Variants in RTTN observed in about 807,000 individuals in gnomAD.
The protein encoded by RTTN is rotatin.
In RTTN, 182 loss-of-function variants were observed where a neutral mutation model predicts 269.2. The ratio of observed to expected loss-of-function variants is 0.68; its 90% CI spans 0.60 to 0.76. The LOEUF (loss-of-function observed/expected upper bound fraction) is 0.76. Ranked by LOEUF, RTTN falls within the 30% of genes least tolerant of loss-of-function variation. The pLI is 0.00. For synonymous variants in RTTN, 1,006 were observed against 963.5 expected, an observed-to-expected ratio of 1.04 and a Z score of -0.82; for missense variants, 2,545 against 2,608.6, an observed-to-expected ratio of 0.98 and a Z score of 0.53.
chr18:70,104,639 TG>T (rs2059271932), intron 28 of RTTN, among the ~76,000 whole-genome samples: 1 of 152,312 alleles, frequency 6.6e-6, no homozygotes, highest in South Asian at 2.1e-4. Context: ...TATCTATCTT[TG>T]GTCTTTGATG....
At chr18:70,078,953 T>C (rs2058495262) in intron 32 of RTTN, among the ~76,000 whole-genome samples, 2 of 152,126 alleles carry the variant, frequency 1.3e-5, no homozygotes, top group Non-Finnish European at 2.9e-5. Flanking sequence ...GAAGAGCAAG[T>C]GTGACCAGTG....
intron 35 of RTTN, chr18:70,061,395 G>A (rs987038421): frequency 1.7e-4 from 78 of 455,978 alleles, no homozygotes; most frequent in Admixed American, 1.3e-3. Flanking sequence ...CCAAAGTGTC[G>A]ATTCCCTAAA....
At chr18:70,200,847 A>G (rs1237275563) in intron 4 of RTTN, among the ~76,000 whole-genome samples, 1 of 152,250 alleles carries the variant, frequency 6.6e-6, no homozygotes. Context: ...GTGGTCACTA[A>G]TAATACCAAT....
intron 28 of RTTN, among the ~76,000 whole-genome samples, chr18:70,103,348 C>T (rs988612478): frequency 6.6e-6 from 1 of 151,718 alleles, no homozygotes; most frequent in East Asian, 1.9e-4. Flanking sequence ...AAAGAGAGAT[C>T]AGATTGTTAC....
At chr18:70,123,025 T>G (rs2145575470) in intron 25 of RTTN, among the ~76,000 whole-genome samples, 1 of 152,252 alleles carries the variant, frequency 6.6e-6, no homozygotes, top group East Asian at 1.9e-4. Flanking sequence ...CCTATCCCTT[T>G]GCCTGGCATT....
At chr18:70,145,276 A>C (rs958638025) in intron 18 of RTTN, among the ~76,000 whole-genome samples, 7 of 152,226 alleles carry the variant, frequency 4.6e-5, no homozygotes, top group Non-Finnish European at 7.3e-5. Context: ...GAGTTGTACA[A>C]TTATTTCATT....
intron 10 of RTTN, among the ~76,000 whole-genome samples, chr18:70,182,114 T>C (rs1395212470): frequency 2.0e-5 from 3 of 152,144 alleles, no homozygotes; most frequent in Non-Finnish European, 2.9e-5. Context: ...TACTACAAAA[T>C]AGTGTGATAA....
Position 70,075,353 on chromosome 18 carries a change from A to G in RTTN, c.4563T>C (p.Asn1521=). Residue 1521 remains asparagine, a splice_region_variant and synonymous_variant, in exon 33 of 49, where the codon AAT becomes AAC. Transcript: ENST00000640769. ...FDRNSESNDL[N]GLDDSFKFWR... is the part of the protein sequence containing the mutation. Reference sequence around the variant, plus strand: ...AAAATACAAAGATATCGTACTTACCATTTAAATCATTGCTTTCTGAATTTC... The same window carrying G: ...AAAATACAAAGATATCGTACTTACCGTTTAAATCATTGCTTTCTGAATTTC... The G allele has an allele frequency of 6.4e-7, 1 of 1,562,950 alleles. No individual in the cohort carries two copies. The highest frequency in any genetic ancestry group is 1.2e-5 in the South Asian group (1 of 82,174).
At chr18:70,022,837 A>G (rs527928986) in intron 44 of RTTN, among the ~76,000 whole-genome samples, 1 of 151,942 alleles carries the variant, frequency 6.6e-6, no homozygotes, top group Non-Finnish European at 1.5e-5. Context: ...CTGGTTTCTC[A>G]TCTTTTGATT....
At chr18:70,030,320 T>G (rs750057350) in intron 41 of RTTN, among the ~76,000 whole-genome samples, 3 of 152,224 alleles carry the variant, frequency 2.0e-5, no homozygotes, top group Admixed American at 2.0e-4. Flanking sequence ...TTTAGTAAGA[T>G]ACTACCCAAA....
chr18:70,091,085 C>T (rs1410291564), intron 30 of RTTN, among the ~76,000 whole-genome samples: 1 of 152,064 alleles, frequency 6.6e-6, no homozygotes, highest in Non-Finnish European at 1.5e-5. Flanking sequence ...AATTCTGTTT[C>T]AGGAGGGTTT....
At position 70,193,452 on chromosome 18, in the gene RTTN, G is replaced by C; in HGVS notation, c.843C>G (p.Asp281Glu). The change falls in exon 8 of 49, where the codon GAC (aspartate) becomes GAG (glutamate). Residue 281 changes from aspartate (D) to glutamate (E), a missense_variant and splice_region_variant. Physicochemically the swap from Asp to Glu is conservative, Grantham distance 45. Transcript: ENST00000640769. ...ACAAAGAAGAATTTTGGGAAACTGT[G>C]TCTGGGGAAACAAAGAAAAAATAAA... Reference protein sequence around the residue: ...RDPGFFSNKHDTVSQNSSLSY... With the variant: ...RDPGFFSNKHETVSQNSSLSY... 6.7e-6 allele frequency: 10 copies of C among 1,503,260 alleles called. No homozygotes were observed. In the South Asian group the frequency reaches 1.3e-4, roughly 19 times the overall value. 93.1% of individuals were successfully genotyped at this position (1,503,260 alleles called of 1,614,324 possible).
At chr18:70,093,803 A>C (rs776826066) in intron 28 of RTTN, among the ~76,000 whole-genome samples, 1 of 152,136 alleles carries the variant, frequency 6.6e-6, no homozygotes, top group Non-Finnish European at 1.5e-5. Context: ...TATCAGGATG[A>C]TGCTGGCCTC....
chr18:70,004,536 C>T (rs2056121434), intron 48 of RTTN, among the ~76,000 whole-genome samples: 1 of 152,010 alleles, frequency 6.6e-6, no homozygotes, highest in South Asian at 2.1e-4. Flanking sequence ...TATGTACCAT[C>T]CTTCCTAAAG....
chr18:70,066,625 T>C (rs1210741434), intron 34 of RTTN, among the ~76,000 whole-genome samples: 2 of 152,294 alleles, frequency 1.3e-5, no homozygotes, highest in African/African-American at 2.4e-5. Flanking sequence ...TTCCTTACCA[T>C]CAATTTCTCT....
chr18:70,123,454 T>A (rs1193978165), intron 25 of RTTN, among the ~76,000 whole-genome samples: 1 of 152,086 alleles, frequency 6.6e-6, no homozygotes, highest in East Asian at 1.9e-4. Flanking sequence ...TAACTGGAAT[T>A]TTGTAACCTC....
chr18:70,015,956 C>T (rs989568026), intron 46 of RTTN, among the ~76,000 whole-genome samples: 1 of 152,146 alleles, frequency 6.6e-6, no homozygotes, highest in Admixed American at 6.5e-5. Context: ...GAGGGATTAT[C>T]ATCACCCTCA....
At chr18:70,067,115 T>C (rs2058156578) in intron 34 of RTTN, among the ~76,000 whole-genome samples, 1 of 151,962 alleles carries the variant, frequency 6.6e-6, no homozygotes, top group Non-Finnish European at 1.5e-5. Context: ...CCTTATTTTA[T>C]ATAGTATTAG....
rs747702550 is a variant in RTTN, at chr18:70,150,751, A to T, written c.1930-18T>A. On this transcript the variant is annotated intron_variant, in intron 14 of 48. Transcript: ENST00000640769. ...AAACATTCCTGTAAAATAATATTAAAAAGTATTTTTAAATTAGCAACACTG... is the reference window on the plus strand; with the variant it reads ...AAACATTCCTGTAAAATAATATTAATAAGTATTTTTAAATTAGCAACACTG... 6.5e-7 allele frequency: 1 copy of T among 1,541,284 alleles called. No individual in the cohort carries two copies. Among genetic ancestry groups the T allele is most frequent in the Non-Finnish European group, 8.8e-7 (1 of 1,135,008 alleles).
Sources: gnomAD v4.1 joint callset for allele counts (sites outside exome capture counted in the v4.1 genomes callset) on GRCh38, gnomAD v4.1.1 for gene constraint, MANE v1.5 for transcripts, NCBI Gene and HGNC (gene_info 2026-07-23, HGNC 2026-07-21) for gene names.